Variants in NNT observed in about 807,000 individuals in gnomAD.
NNT encodes the protein nicotinamide nucleotide transhydrogenase, also known as NAD(P) transhydrogenase, mitochondrial.
A neutral mutation model predicts 104.8 loss-of-function variants in NNT; 50 were observed. The observed-to-expected ratio is 0.48, with a 90% CI of 0.38 to 0.60. NNT has a LOEUF of 0.60. NNT is among the 20% of genes least tolerant of loss of function. The probability of loss-of-function intolerance (pLI) is 0.00; values close to 1 mark genes in which losing one functional copy is unlikely to be tolerated. For synonymous variants in NNT, 461 were observed against 490.4 expected (o/e 0.94, Z 0.79); for missense variants, 1,131 against 1,330.7 (o/e 0.85, Z 2.33).
intron 19 of NNT, among the ~76,000 whole-genome samples, chr5:43,699,052 GC>G (rs1742712622): frequency 6.6e-6 from 1 of 151,996 alleles, no homozygotes; most frequent in Non-Finnish European, 1.5e-5. Flanking sequence ...TTCTTATGGA[GC>G]CCTTTCTATG....
intron 2 of NNT, among the ~76,000 whole-genome samples, chr5:43,612,147 C>T (rs1749530984): frequency 6.6e-6 from 1 of 152,206 alleles, no homozygotes; most frequent in African/African-American, 2.4e-5. Context: ...TACCTCATAG[C>T]TGTGCTTACA....
In NNT at chr5:43,704,426, G is replaced by T. The variant is rs756238212; in HGVS notation, c.*22G>T. 4 of 1,612,464 alleles carry T rather than the reference G, an allele frequency of 2.5e-6. No individual in the cohort carries two copies. The South Asian group carries it at 3.3e-5, about 13-fold the overall frequency. ...GTAAATATTAAGGATCAAGCTGTTA[G>T]CTAATAATGCCACCTCTGCAGTTTT... On this transcript the variant is annotated 3_prime_UTR_variant, in exon 22 of 22. Coordinates refer to ENST00000344920, the MANE Select transcript of NNT (RefSeq NM_182977.3).
At chr5:43,642,543 C>T (rs912122282) in intron 7 of NNT, among the ~76,000 whole-genome samples, 3 of 152,194 alleles carry the variant, frequency 2.0e-5, no homozygotes, top group Admixed American at 6.5e-5. Flanking sequence ...TTGATTCTTG[C>T]TCTTTCTTGG....
rs367821508 is a variant in NNT at position 43,673,463 on chromosome 5, T to A, written c.2635-2048T>A. 2.4e-4 allele frequency among the ~76,000 whole-genome samples: 37 copies of A among 152,328 alleles called. 1 individual carries two copies. The highest frequency in any genetic ancestry group is 8.9e-4 in the African/African-American group (37 of 41,570). ...GGACTCTTTTTTTAAAAAAGTTATC[T>A]ATGACAGAAATATCTTAATGTCTGA... On this transcript the variant is annotated intron_variant, in intron 17 of 21. Coordinates refer to ENST00000344920, the MANE Select transcript of NNT (RefSeq NM_182977.3).
intron 2 of NNT, among the ~76,000 whole-genome samples, chr5:43,611,155 AG>A (rs1749482769): frequency 6.8e-6 from 1 of 147,046 alleles, no homozygotes; most frequent in Non-Finnish European, 1.5e-5. Context: ...TGATCCAAAC[AG>A]GGTCCACACA....
intron 6 of NNT, among the ~76,000 whole-genome samples, chr5:43,626,403 A>G (rs145332473): frequency 6.6e-6 from 1 of 152,174 alleles, no homozygotes; most frequent in African/African-American, 2.4e-5. Context: ...CATGGAACCA[A>G]TTCCCCATGG....
intron 19 of NNT, among the ~76,000 whole-genome samples, chr5:43,689,093 G>A (rs1742130588): frequency 6.6e-6 from 1 of 152,152 alleles, no homozygotes; most frequent in South Asian, 2.1e-4. Context: ...CAGGATTGAG[G>A]TGGTATTGCA....
chr5:43,613,025 T>A lies in NNT; in HGVS notation c.269T>A (p.Val90Asp). 1 of 1,614,162 alleles carries A rather than the reference T, an allele frequency of 6.2e-7. No individual in the cohort carries two copies. Among genetic ancestry groups the A allele is most frequent in the South Asian group, 1.1e-5 (1 of 91,078 alleles). Residue 90 changes from valine (V) to aspartate (D), a missense_variant, in exon 3 of 22, where the codon GTC becomes GAC. Coordinates refer to ENST00000344920, the MANE Select transcript of NNT (RefSeq NM_182977.3). ...QNLVKQGFNV[V>D]VESGAGEASK... ...TTGGTCAAGCAGGGTTTTAATGTTG[T>A]CGTGGAATCGGGTGCGGGCGAAGCT...
intron 19 of NNT, among the ~76,000 whole-genome samples, chr5:43,699,226 CTG>C (rs1301140663): frequency 1.4e-5 from 2 of 146,620 alleles, no homozygotes; most frequent in Non-Finnish European, 3.0e-5. Flanking sequence ...ATTACCCACT[CTG>C]TGTTTTAGAT....
In NNT at chr5:43,654,616, G is replaced by C. The variant is rs573587587; in HGVS notation, c.2060-1224G>C. On this transcript the variant is annotated intron_variant, in intron 14 of 21. Transcript: ENST00000344920. Reference sequence around the variant, plus strand: ...TGCAAACACTAGGTTGGCTACAGATGTAAGAGTTTAGCAAAGATCCATAAA... The same window carrying C: ...TGCAAACACTAGGTTGGCTACAGATCTAAGAGTTTAGCAAAGATCCATAAA... Among the ~76,000 whole-genome samples, 17 of 152,368 alleles carry C rather than the reference G, an allele frequency of 1.1e-4. 1 individual carries two copies. In the South Asian group the frequency reaches 3.3e-3, roughly 30 times the overall value.
intron 19 of NNT, among the ~76,000 whole-genome samples, chr5:43,692,728 G>A (rs1020837725): frequency 2.6e-5 from 4 of 152,220 alleles, no homozygotes; most frequent in African/African-American, 9.6e-5. Context: ...CTGTAAGGGA[G>A]AGTGCTTCTT....
intron 17 of NNT, among the ~76,000 whole-genome samples, chr5:43,671,032 A>G (rs570804687): frequency 2.0e-5 from 3 of 152,260 alleles, no homozygotes; most frequent in South Asian, 4.1e-4. Flanking sequence ...CTTTACCATT[A>G]TGTAATGGCC....
chr5:43,604,077 C>T (rs1162646061), intron 1 of NNT, among the ~76,000 whole-genome samples: 1 of 152,202 alleles, frequency 6.6e-6, no homozygotes. Context: ...TGGCAGTAGC[C>T]GTGACACCAG....
At chr5:43,609,122 T>A (rs1303095938) in intron 1 of NNT, 21 bp from the exon 2 acceptor site, 2 of 1,199,310 alleles carry the variant, frequency 1.7e-6, no homozygotes, top group Non-Finnish European at 2.4e-6. Flanking sequence ...CATATATACA[T>A]CCTATTTTCT....
chr5:43,671,539 A>T lies in NNT; in HGVS notation c.2635-3972A>T, dbSNP rs1741089996. Among the ~76,000 whole-genome samples the T allele has an allele frequency of 1.3e-5, 2 of 152,284 alleles. 1 individual carries two copies. The highest frequency in any genetic ancestry group is 6.8e-3 in the Middle Eastern group (2 of 294). ...AAAGGATTTTATTTCTCCTTGACTT[A>T]TGAAGCTTAGTTTGGCTGGATATGA... On this transcript the variant is annotated intron_variant, in intron 17 of 21. Coordinates refer to ENST00000344920, the MANE Select transcript of NNT (RefSeq NM_182977.3).
At chr5:43,675,698 C>A in intron 18 of NNT, 28 bp downstream of exon 18, 2 of 1,509,596 alleles carry the variant, frequency 1.3e-6, no homozygotes, top group South Asian at 1.3e-5. Context: ...AAGCAAATAA[C>A]CTATAATAGC....
At chr5:43,678,588 G>A (rs1741545261) in intron 19 of NNT, among the ~76,000 whole-genome samples, 1 of 152,178 alleles carries the variant, frequency 6.6e-6, no homozygotes, top group South Asian at 2.1e-4. Flanking sequence ...ACATCAAGTT[G>A]TATCTTTTTG....
At chr5:43,667,781 C>G (rs890391781) in intron 17 of NNT, among the ~76,000 whole-genome samples, 1 of 151,734 alleles carries the variant, frequency 6.6e-6, no homozygotes, top group South Asian at 2.1e-4. Context: ...GGGTATATAC[C>G]CCAGTAATGG....
chr5:43,611,075 C>T (rs1028996441), intron 2 of NNT, among the ~76,000 whole-genome samples: 16 of 147,240 alleles, frequency 1.1e-4, no homozygotes, highest in Non-Finnish European at 2.0e-4. Context: ...TTCTTTCCTT[C>T]CTCCCTCCCT....
Sources: gnomAD v4.1 joint callset for allele counts (sites outside exome capture counted in the v4.1 genomes callset) on GRCh38, gnomAD v4.1.1 for gene constraint, MANE v1.5 for transcripts, NCBI Gene and HGNC (gene_info 2026-07-23, HGNC 2026-07-21) for gene names.